Variants in IGF1R observed in about 807,000 individuals in gnomAD.
The protein encoded by IGF1R is insulin-like growth factor 1 receptor.
A neutral mutation model predicts 144.6 loss-of-function variants in IGF1R; 44 were observed. That is an observed-to-expected ratio of 0.30 (90% CI 0.24 to 0.39). The LOEUF is 0.39. IGF1R is among the 10% of genes least tolerant of loss of function. The pLI is 1.00. For synonymous variants in IGF1R, 795 were observed against 722.8 expected, an observed-to-expected ratio of 1.10 and a Z score of -1.60; for missense variants, 1,355 against 1,833.7, an observed-to-expected ratio of 0.74 and a Z score of 4.77.
At chr15:98,849,005 G>GT (rs1240244203) in intron 2 of IGF1R, among the ~76,000 whole-genome samples, 3 of 152,232 alleles carry the variant, frequency 2.0e-5, no homozygotes, top group South Asian at 4.1e-4. Context: ...TCAGTTCTCC[G>GT]TAAGTTTTTC....
chr15:98,659,404 T>C (rs1302735848), intron 1 of IGF1R, among the ~76,000 whole-genome samples: 1 of 152,150 alleles, frequency 6.6e-6, no homozygotes, highest in Admixed American at 6.5e-5. Flanking sequence ...ATAGGCTCCA[T>C]CTAGTGGCCA....
At chr15:98,759,083 A>G (rs1221643066) in intron 2 of IGF1R, among the ~76,000 whole-genome samples, 1 of 152,156 alleles carries the variant, frequency 6.6e-6, no homozygotes, top group Non-Finnish European at 1.5e-5. Flanking sequence ...TGTCTCCATC[A>G]CTCAGTATAG....
At chr15:98,784,134 C>A (rs114986405) in intron 2 of IGF1R, among the ~76,000 whole-genome samples, 2 of 151,864 alleles carry the variant, frequency 1.3e-5, no homozygotes, top group Non-Finnish European at 2.9e-5. Context: ...GCAACCACAC[C>A]CGGGTAATTT....
intron 5 of IGF1R, among the ~76,000 whole-genome samples, chr15:98,900,329 G>A (rs1235715053): frequency 6.6e-6 from 1 of 152,144 alleles, no homozygotes; most frequent in Non-Finnish European, 1.5e-5. Context: ...TTTTAAATAC[G>A]ACTCTTGCCA....
chr15:98,878,786 AG>A (rs1382603870), intron 2 of IGF1R, among the ~76,000 whole-genome samples: 2 of 151,318 alleles, frequency 1.3e-5, no homozygotes, highest in Non-Finnish European at 2.9e-5. Flanking sequence ...AGGTCAGGAG[AG>A]CGAGACCATC....
At chr15:98,936,543 T>C (rs1422184662) in intron 17 of IGF1R, among the ~76,000 whole-genome samples, 1 of 152,156 alleles carries the variant, frequency 6.6e-6, no homozygotes, top group African/African-American at 2.4e-5. Context: ...TCTGCTTTTA[T>C]TCCTTAGAAG....
intron 5 of IGF1R, among the ~76,000 whole-genome samples, chr15:98,905,174 G>A (rs60112027): frequency 0.17 from 26,156 of 152,102 alleles, 2,956 homozygotes; most frequent in East Asian, 0.42. Flanking sequence ...CTCAAATATC[G>A]ATAGAGATAA....
At chr15:98,911,701 GA>G (rs2015027802) in intron 7 of IGF1R, among the ~76,000 whole-genome samples, 1 of 152,154 alleles carries the variant, frequency 6.6e-6, no homozygotes, top group African/African-American at 2.4e-5. Flanking sequence ...AGAGGTGTTT[GA>G]ATAAAATAAA....
chr15:98,917,888 T>C (rs2015319436), intron 10 of IGF1R, among the ~76,000 whole-genome samples: 1 of 152,004 alleles, frequency 6.6e-6, no homozygotes, highest in Non-Finnish European at 1.5e-5. Flanking sequence ...CTATTTGGAG[T>C]GATGAAAATT....
chr15:98,694,802 G>T (rs1166030545), intron 1 of IGF1R, among the ~76,000 whole-genome samples: 1 of 152,214 alleles, frequency 6.6e-6, no homozygotes, highest in African/African-American at 2.4e-5. Context: ...TAAAGAATGG[G>T]TGCGCCGAAG....
At chr15:98,951,003 C>T (rs1425016732) in intron 20 of IGF1R, among the ~76,000 whole-genome samples, 1 of 152,226 alleles carries the variant, frequency 6.6e-6, no homozygotes, top group Non-Finnish European at 1.5e-5. Context: ...GATACACACC[C>T]CTGTGCTCTG....
rs551975476 is a variant in IGF1R at position 98,650,248 on chromosome 15, GC to G, written c.94+576del. Among the ~76,000 whole-genome samples, 24 of 152,332 alleles carry G rather than the reference GC, an allele frequency of 1.6e-4. No individual in the cohort carries two copies. In the East Asian group the frequency reaches 4.3e-3, roughly 27 times the overall value. On this transcript the variant is annotated intron_variant, in intron 1 of 20. Coordinates refer to ENST00000650285, the MANE Select transcript of IGF1R (RefSeq NM_000875.5). ...GAAGCCCCAGGACACGTCTCCAAGC[GC>G]CCGTCGCTGCCTCCCGTCGCCCAAC...
At chr15:98,892,176 C>T (rs146368161) in intron 3 of IGF1R, among the ~76,000 whole-genome samples, 4 of 152,234 alleles carry the variant, frequency 2.6e-5, no homozygotes, top group Admixed American at 6.5e-5. Flanking sequence ...TCCTCTCATC[C>T]CCCTCTACCT....
intron 2 of IGF1R, among the ~76,000 whole-genome samples, chr15:98,726,362 T>TCTTG (rs2141288570): frequency 6.6e-6 from 1 of 152,310 alleles, no homozygotes; most frequent in East Asian, 1.9e-4. Context: ...TAGTGGCTTG[T>TCTTG]CTTGCTCTGA....
At chr15:98,947,744 C>T (rs902623347) in intron 19 of IGF1R, among the ~76,000 whole-genome samples, 1 of 152,232 alleles carries the variant, frequency 6.6e-6, no homozygotes, top group African/African-American at 2.4e-5. Context: ...AGTTATTCCT[C>T]AGCCAACTTC....
rs563014122 is a variant in IGF1R at position 98,766,337 on chromosome 15, G to A, written c.640+58230G>A. ...CGTCTCCCACCTGGTTTTGCTGAGC[G>A]CCTGTCTCTTCTGTCTCTTTTCTGA... On this transcript the variant is annotated intron_variant, in intron 2 of 20. Coordinates refer to ENST00000650285, the MANE Select transcript of IGF1R (RefSeq NM_000875.5). 4.6e-5 allele frequency among the ~76,000 whole-genome samples: 7 copies of A among 152,246 alleles called. No individual in the cohort carries two copies. The South Asian group carries it at 6.2e-4, about 14-fold the overall frequency.
chr15:98,956,933 C>G, intron 20 of IGF1R, 128 bp from the exon 21 acceptor site: 1 of 1,036,418 alleles, frequency 9.6e-7, no homozygotes, highest in South Asian at 1.3e-5. Flanking sequence ...TGGAGAGGGG[C>G]AGCAGGGCTG....
At chr15:98,676,916 ATTTTTTTTCAATTAAAAAAAAT>A (rs748667443) in intron 1 of IGF1R, among the ~76,000 whole-genome samples, 23 of 151,634 alleles carry the variant, frequency 1.5e-4, no homozygotes, top group Non-Finnish European at 2.4e-4. Context: ...ATATTTTTAA[ATTTTTTTTCAATTAAAAAAAAT>A]TTTTTTTTCA....
chr15:98,953,315 A>C (rs2016850514), intron 20 of IGF1R, among the ~76,000 whole-genome samples: 1 of 152,182 alleles, frequency 6.6e-6, no homozygotes, highest in Admixed American at 6.5e-5. Flanking sequence ...TCGAGGTCTG[A>C]GTCTCAACGC....
Sources: gnomAD v4.1 joint callset for allele counts (sites outside exome capture counted in the v4.1 genomes callset) on GRCh38, gnomAD v4.1.1 for gene constraint, MANE v1.5 for transcripts, NCBI Gene and HGNC (gene_info 2026-07-23, HGNC 2026-07-21) for gene names.